Variants in PTPN2 observed in about 807,000 individuals in gnomAD.
The protein encoded by PTPN2 is protein tyrosine phosphatase non-receptor type 2.
A neutral mutation model predicts 57.3 loss-of-function variants in PTPN2; 19 were observed. That is an observed-to-expected ratio of 0.33 (90% confidence interval 0.23 to 0.49). PTPN2 has a LOEUF of 0.49. Ranked by LOEUF, PTPN2 falls within the 20% of genes least tolerant of loss-of-function variation. The pLI, the probability that PTPN2 is intolerant of heterozygous loss-of-function variation, is 0.99. For missense variants in PTPN2, 358 were observed against 501.1 expected, an observed-to-expected ratio of 0.71 and a Z score of 2.73; for synonymous variants, 153 against 164.9, an observed-to-expected ratio of 0.93 and a Z score of 0.55.
intron 2 of PTPN2, among the ~76,000 whole-genome samples, chr18:12,851,622 C>T (rs1037921955): frequency 4.5e-4 from 68 of 152,214 alleles, no homozygotes; most frequent in African/African-American, 1.6e-3. Context: ...TTGCTTAATA[C>T]ATCTTGGGGC....
At position 12,859,248 on chromosome 18, in the gene PTPN2, G is replaced by A. The variant is rs2043704722; in HGVS notation, c.76C>T (p.Arg26Ter). The change falls in exon 2 of 9, where the codon CGA becomes TGA. Residue 26 changes from arginine to a stop codon, truncating the protein, a stop_gained. Transcript: ENST00000309660. LOFTEE classifies it high-confidence loss of function. ...RRWQPLYLEIRNESHDYPHRV... is the reference protein window; with the variant it reads ...RRWQPLYLEI ...TGAGGATAGTCATGGGACTCATTTCGAATTTCCTTAAAATAACAAAAATAT... is the reference window on the plus strand; with the variant it reads ...TGAGGATAGTCATGGGACTCATTTCAAATTTCCTTAAAATAACAAAAATAT... 6.2e-7 allele frequency: 1 copy of A among 1,607,288 alleles called. No individual in the cohort carries two copies. Among genetic ancestry groups the A allele is most frequent in the Non-Finnish European group, 8.5e-7 (1 of 1,175,872 alleles).
At chr18:12,835,444 T>C (rs1008308020) in intron 3 of PTPN2, among the ~76,000 whole-genome samples, 2 of 132,712 alleles carry the variant, frequency 1.5e-5, no homozygotes, top group Non-Finnish European at 3.1e-5. Flanking sequence ...GGCACTATCT[T>C]GCCTCACTGC....
At chr18:12,820,733 A>G (rs1428919852) in intron 5 of PTPN2, among the ~76,000 whole-genome samples, 3 of 152,130 alleles carry the variant, frequency 2.0e-5, no homozygotes, top group African/African-American at 7.2e-5. Flanking sequence ...CCACAATTAT[A>G]GGCTGTCCCT....
chr18:12,863,524 T>A (rs2043884785), intron 1 of PTPN2: 1 of 125,336 alleles, frequency 8.0e-6, no homozygotes, highest in South Asian at 3.0e-4. Flanking sequence ...TCAGCACTAC[T>A]GACATTTTAG....
intron 2 of PTPN2, among the ~76,000 whole-genome samples, chr18:12,848,557 T>C (rs1278780947): frequency 2.6e-5 from 4 of 152,246 alleles, no homozygotes; most frequent in Non-Finnish European, 5.9e-5. Flanking sequence ...TGAAACTCAG[T>C]TGCCTTGTGA....
At chr18:12,834,886 T>C (rs1292874919) in intron 3 of PTPN2, among the ~76,000 whole-genome samples, 5 of 152,160 alleles carry the variant, frequency 3.3e-5, no homozygotes, top group Admixed American at 3.3e-4. Flanking sequence ...ATGTAATTAG[T>C]TGTCCCTCAA....
intron 2 of PTPN2, chr18:12,840,773 T>A (rs1448987219): frequency 1.3e-6 from 2 of 1,598,478 alleles, no homozygotes; most frequent in Admixed American, 3.3e-5. Flanking sequence ...GCCTTTACCA[T>A]CCTTTCCATA....
rs899650461 is a variant in PTPN2 at position 12,786,123 on chromosome 18, A to T, written c.1143-279T>A. On this transcript the variant is annotated intron_variant, in intron 9 of 9. Coordinates refer to the PTPN2 transcript ENST00000327283. ...AAGAATTATGTGAATTCTTAAGGTC[A>T]TCTTATTTTACTCAAGAAGTGACCT... 4 of 438,678 alleles carry T rather than the reference A, an allele frequency of 9.1e-6. No homozygotes were observed. In the South Asian group the frequency reaches 1.2e-4, roughly 13 times the overall value. The allele number at this position is 438,678 out of a possible 1,614,324, so 27.2% of individuals were successfully genotyped here.
intron 2 of PTPN2, among the ~76,000 whole-genome samples, chr18:12,843,192 C>T (rs923418304): frequency 6.6e-6 from 1 of 152,112 alleles, no homozygotes; most frequent in Admixed American, 6.5e-5. Flanking sequence ...ACTTGAGAAA[C>T]ACTATCAGCA....
At chr18:12,819,094 C>CA (rs34910954) in intron 5 of PTPN2, 76,884 of 270,260 alleles carry the variant, frequency 0.28, 5,680 homozygotes, top group Admixed American at 0.37. Context: ...AACTCCATCT[C>CA]AAAAAAAAAA....
At chr18:12,838,845 G>C (rs2042955856) in intron 2 of PTPN2, among the ~76,000 whole-genome samples, 1 of 151,972 alleles carries the variant, frequency 6.6e-6, no homozygotes, top group South Asian at 2.1e-4. Context: ...TACATCACTA[G>C]ATATTATTTT....
rs560541433 is a variant in PTPN2, at chr18:12,834,314, G to A, written c.261+2477C>T. ...TGCACTCCAGGCTGGGCAACAGAGT[G>A]AGACTCCATCTCAAAAAAAAAAAAA... is the stretch of plus-strand genomic sequence containing the variant. On this transcript the variant is annotated intron_variant, in intron 3 of 8. Transcript: ENST00000309660. Among the ~76,000 whole-genome samples the A allele has an allele frequency of 4.8e-5, 6 of 125,112 alleles. No homozygotes were observed. In the South Asian group the frequency reaches 1.4e-3, roughly 29 times the overall value. 82.1% of individuals were successfully genotyped at this position (125,112 alleles called of 152,430 possible).
intron 4 of PTPN2, 44 bp from the exon 5 acceptor site, chr18:12,825,988 C>T (rs371238228): frequency 1.1e-4 from 155 of 1,461,800 alleles, no homozygotes; most frequent in Non-Finnish European, 1.4e-4. Flanking sequence ...AGTTTATAGA[C>T]ATCATGAAAC....
At chr18:12,857,762 C>A (rs637643) in intron 2 of PTPN2, among the ~76,000 whole-genome samples, 1 of 152,016 alleles carries the variant, frequency 6.6e-6, no homozygotes, top group Admixed American at 6.6e-5. Context: ...GGAAGTGGGT[C>A]AAATCTTCAA....
At chr18:12,837,477 AGAGAT>A (rs1216605452) in intron 2 of PTPN2, among the ~76,000 whole-genome samples, 1 of 152,220 alleles carries the variant, frequency 6.6e-6, no homozygotes, top group Non-Finnish European at 1.5e-5. Flanking sequence ...TTAACAGTTT[AGAGAT>A]ATTTCTAGTT....
chr18:12,850,607 A>G (rs1376964511), intron 2 of PTPN2, among the ~76,000 whole-genome samples: 1 of 152,132 alleles, frequency 6.6e-6, no homozygotes, highest in Non-Finnish European at 1.5e-5. Flanking sequence ...TTTATTTTTA[A>G]GTTTCCATTA....
At chr18:12,811,777 T>G (rs2041897858) in intron 7 of PTPN2, among the ~76,000 whole-genome samples, 1 of 152,172 alleles carries the variant, frequency 6.6e-6, no homozygotes, top group Admixed American at 6.5e-5. Flanking sequence ...AGGAATTACA[T>G]TTCACTAAAC....
At chr18:12,833,528 T>C (rs1183832704) in intron 3 of PTPN2, among the ~76,000 whole-genome samples, 4 of 152,044 alleles carry the variant, frequency 2.6e-5, no homozygotes, top group Non-Finnish European at 1.5e-5. Flanking sequence ...AAGGTCCTAA[T>C]ACAGAGAGGG....
At chr18:12,825,189 A>G (rs2042405669) in intron 5 of PTPN2, among the ~76,000 whole-genome samples, 1 of 152,190 alleles carries the variant, frequency 6.6e-6, no homozygotes, top group Non-Finnish European at 1.5e-5. Flanking sequence ...GTATGTATGT[A>G]TGTGTGCGTG....
Sources: gnomAD v4.1 joint callset for allele counts (sites outside exome capture counted in the v4.1 genomes callset) on GRCh38, gnomAD v4.1.1 for gene constraint, MANE v1.5 for transcripts, NCBI Gene and HGNC (gene_info 2026-07-23, HGNC 2026-07-21) for gene names.